Variants in NTRK3 observed in about 807,000 individuals in gnomAD.
The protein encoded by NTRK3 is NT-3 growth factor receptor.
NTRK3 carries 24 observed loss-of-function variants against 91.7 expected under a neutral mutation model. That is an observed-to-expected ratio of 0.26 (90% CI 0.19 to 0.37). The LOEUF is 0.37. NTRK3 is among the 10% of genes least tolerant of loss of function. NTRK3 has a pLI of 1.00. For synonymous variants in NTRK3, 483 were observed against 404.0 expected, an observed-to-expected ratio of 1.20 and a Z score of -2.34; for missense variants, 880 against 1,068.9, an observed-to-expected ratio of 0.82 and a Z score of 2.46.
At chr15:88,108,571 C>T (rs1359124419) in intron 13 of NTRK3, among the ~76,000 whole-genome samples, 6 of 152,194 alleles carry the variant, frequency 3.9e-5, no homozygotes, top group Non-Finnish European at 4.4e-5. Flanking sequence ...ACCTTGGAAG[C>T]CCTTAATCCA....
chr15:87,960,763 G>A (rs1427598127), intron 14 of NTRK3, among the ~76,000 whole-genome samples: 2 of 152,124 alleles, frequency 1.3e-5, no homozygotes, highest in African/African-American at 2.4e-5. Context: ...GGGATTTCAG[G>A]TGTGAGACAC....
chr15:88,100,466 C>T (rs752973027), intron 13 of NTRK3, among the ~76,000 whole-genome samples: 2 of 152,246 alleles, frequency 1.3e-5, no homozygotes, highest in Admixed American at 6.5e-5. Flanking sequence ...CCTCAGATGG[C>T]GGAAACAGAG....
intron 14 of NTRK3, among the ~76,000 whole-genome samples, chr15:87,972,404 G>T (rs1024796205): frequency 6.6e-6 from 1 of 152,154 alleles, no homozygotes; most frequent in South Asian, 2.1e-4. Flanking sequence ...ATACTGGAAC[G>T]ATGCCTTTGG....
At chr15:87,960,562 G>A (rs1461033764) in intron 14 of NTRK3, among the ~76,000 whole-genome samples, 1 of 151,806 alleles carries the variant, frequency 6.6e-6, no homozygotes, top group Non-Finnish European at 1.5e-5. Flanking sequence ...TCGGCTCACA[G>A]CAACCTCTGC....
In NTRK3 at chr15:88,146,904, C is replaced by T. The variant is rs150847434; in HGVS notation, c.464+431G>A. ...GTGTCTTTCTAAGCCTCAGAATCCT[C>T]ACCCATAAAATGCAGAGAATAATAA... is the stretch of plus-strand genomic sequence containing the variant. On this transcript the variant is annotated intron_variant, in intron 6 of 18. Transcript: ENST00000394480. 1.4e-3 allele frequency among the ~76,000 whole-genome samples: 207 copies of T among 152,242 alleles called. 8 individuals are homozygous for T. The East Asian group carries it at 0.037, about 27-fold the overall frequency.
chr15:88,132,118 G>C (rs2041415952), intron 10 of NTRK3: 1 of 181,844 alleles, frequency 5.5e-6, no homozygotes, highest in African/African-American at 2.4e-5. Flanking sequence ...ACAAGTGATT[G>C]AGTCAGAGTC....
Position 88,235,480 on chromosome 15 carries a change from A to T in NTRK3, c.248+20426T>A, listed in dbSNP as rs781745956. The stretch of plus-strand genomic sequence containing the variant: ...TGGGAGAGAGACACAAGCCCAGGGG[A>T]GTTGCCTTTCTGGTGGGACCAGGCC... On this transcript the variant is annotated intron_variant, in intron 3 of 18. Transcript: ENST00000394480. The surrounding 1 kb of genome is among the most constrained non-coding windows in gnomAD (Gnocchi z 5.2). Among the ~76,000 whole-genome samples, 9 of 152,116 alleles carry T rather than the reference A, an allele frequency of 5.9e-5. No homozygotes were observed. The highest frequency in any genetic ancestry group is 1.0e-4 in the Non-Finnish European group (7 of 68,004).
At chr15:87,864,522 T>C in exon 19 of NTRK3, 1 of 229,738 alleles carries the variant, frequency 4.4e-6, no homozygotes, top group Non-Finnish European at 8.6e-6. Context: ...CTTTAGGAAG[T>C]TATATAGTGA....
chr15:87,957,245 A>C (rs1310049824), intron 14 of NTRK3, among the ~76,000 whole-genome samples: 1 of 140,142 alleles, frequency 7.1e-6, no homozygotes. Flanking sequence ...TAAAACACTT[A>C]GAAAAAATAC....
chr15:87,984,072 T>G (rs1470586022), intron 14 of NTRK3, among the ~76,000 whole-genome samples: 1 of 152,090 alleles, frequency 6.6e-6, no homozygotes, highest in Non-Finnish European at 1.5e-5. Context: ...GAGTTCAGCC[T>G]AGAGAGGATG....
chr15:88,240,168 T>A lies in NTRK3; in HGVS notation c.248+15738A>T, dbSNP rs1340557232. Among the ~76,000 whole-genome samples, 2 of 144,634 alleles carry A rather than the reference T, an allele frequency of 1.4e-5. No homozygotes were observed. Among genetic ancestry groups the A allele is most frequent in the East Asian group, 4.2e-4 (2 of 4,794 alleles). 94.9% of individuals were successfully genotyped at this position (144,634 alleles called of 152,430 possible). A position where few individuals can be genotyped will look rare whatever the true frequency, so the allele number is the denominator to read the frequency against. On this transcript the variant is annotated intron_variant, in intron 3 of 18. Coordinates refer to ENST00000394480, the Ensembl canonical transcript of NTRK3. This position sits in a 1 kb window ranked among gnomAD's most constrained non-coding sequence, Gnocchi z 4.9. ...CAGAGAAACCCAGGGCTGCTGCATC[T>A]GTATGGCTCCCCTACTTTCCCATCC... is the stretch of plus-strand genomic sequence containing the variant.
rs2042901423 is a variant in NTRK3 at position 88,146,500 on chromosome 15, T to C, written c.464+835A>G. On this transcript the variant is annotated intron_variant, in intron 6 of 18. Coordinates refer to ENST00000394480, the Ensembl canonical transcript of NTRK3. Reference sequence around the variant, plus strand: ...CATGCCTCAATTCCTTTTCAATTTATTCCTTGATTTATACCCTCAACATAA... The same window carrying C: ...CATGCCTCAATTCCTTTTCAATTTACTCCTTGATTTATACCCTCAACATAA... Among the ~76,000 whole-genome samples, 3 of 152,198 alleles carry C rather than the reference T, an allele frequency of 2.0e-5. No homozygotes were observed. In the South Asian group the frequency reaches 6.2e-4, roughly 32 times the overall value.
rs1050684043 is a variant in NTRK3, at chr15:88,237,714, A to G, written c.248+18192T>C. On this transcript the variant is annotated intron_variant, in intron 3 of 18. Transcript: ENST00000394480. The surrounding 1 kb of genome is among the most constrained non-coding windows in gnomAD (Gnocchi z 4.0). ...TCTTCCACAGGGCTCTCTTGCTTAC[A>G]TGACCGACTAAGCAGACACTTTGGG... Among the ~76,000 whole-genome samples the G allele has an allele frequency of 1.3e-5, 2 of 152,100 alleles. No individual in the cohort carries two copies. Among genetic ancestry groups the G allele is most frequent in the Non-Finnish European group, 2.9e-5 (2 of 68,020 alleles).
chr15:88,136,641 G>C (rs373472445), intron 7 of NTRK3, 32 bp from the exon 8 acceptor site: 1 of 1,605,774 alleles, frequency 6.2e-7, no homozygotes. Context: ...TGAAAAGACA[G>C]GCAAACACTT....
intron 13 of NTRK3, among the ~76,000 whole-genome samples, chr15:88,084,548 G>A (rs2048332400): frequency 6.6e-6 from 1 of 152,148 alleles, no homozygotes; most frequent in African/African-American, 2.4e-5. Flanking sequence ...GCTCAACTGT[G>A]GACTCTGGCA....
At chr15:88,147,809 A>T (rs1357386101) in intron 5 of NTRK3, among the ~76,000 whole-genome samples, 1 of 151,810 alleles carries the variant, frequency 6.6e-6, no homozygotes, top group African/African-American at 2.4e-5. Context: ...AGGTCAAAAA[A>T]CTCTGCAGGT....
chr15:88,170,396 C>T (rs1333373738), intron 5 of NTRK3, among the ~76,000 whole-genome samples: 2 of 152,204 alleles, frequency 1.3e-5, no homozygotes, highest in Non-Finnish European at 2.9e-5. Flanking sequence ...GTCCTTTCAT[C>T]AAGTTTTCCT....
chr15:88,153,628 C>G (rs2151374713), intron 5 of NTRK3, among the ~76,000 whole-genome samples: 1 of 152,164 alleles, frequency 6.6e-6, no homozygotes, highest in East Asian at 1.9e-4. Flanking sequence ...TAACAAAATA[C>G]CATATACTGG....
intron 6 of NTRK3, among the ~76,000 whole-genome samples, chr15:88,145,852 T>A (rs577121890): frequency 2.4e-5 from 1 of 41,002 alleles, no homozygotes; most frequent in South Asian, 6.8e-4. Flanking sequence ...CAATCATGTG[T>A]TTTTTTTAAA....
Sources: allele counts gnomAD v4.1 joint callset (sites outside exome capture counted in the v4.1 genomes callset), GRCh38; gene constraint gnomAD v4.1.1; non-coding constraint Gnocchi (gnomAD v3.1); transcripts MANE v1.5; gene names NCBI Gene and HGNC (gene_info 2026-07-23, HGNC 2026-07-21).